Variants in ZNF200 observed in about 807,000 individuals in gnomAD.
ZNF200 encodes zinc finger protein 200.
A neutral mutation model predicts 33.6 loss-of-function variants in ZNF200; 35 were observed. The ratio of observed to expected loss-of-function variants is 1.04; its 90% CI spans 0.80 to 1.38. ZNF200 has a LOEUF of 1.38. Ranked by LOEUF, ZNF200 falls within the 40% of genes most tolerant of loss-of-function variation. The probability of loss-of-function intolerance (pLI) is 0.00; values close to 1 mark genes in which losing one functional copy is unlikely to be tolerated. For synonymous variants in ZNF200, 209 were observed against 167.7 expected, an observed-to-expected ratio of 1.25 and a Z score of -1.90; for missense variants, 592 against 470.6, an observed-to-expected ratio of 1.26 and a Z score of -2.39.
chr16:3,224,333 CCTT>C lies in ZNF200; in HGVS notation c.744_746del (p.Arg250del). The C allele has an allele frequency of 1.9e-6, 3 of 1,614,144 alleles. No homozygotes were observed. The highest frequency in any genetic ancestry group is 2.5e-6 in the Non-Finnish European group (3 of 1,180,016). On this transcript the variant is annotated inframe_deletion, in exon 5 of 5. Coordinates refer to ENST00000414144, the MANE Select transcript of ZNF200 (RefSeq NM_198088.3). The stretch of plus-strand genomic sequence containing the variant: ...CACACAGTGGACAAGTGTACCATCT[CCTT>C]GTCCTCCGATTTCGAGTAAGGGCAA...
intron 4 of ZNF200, among the ~76,000 whole-genome samples, chr16:3,231,421 G>C (rs897934193): frequency 1.3e-5 from 2 of 152,230 alleles, no homozygotes; most frequent in African/African-American, 4.8e-5. Flanking sequence ...TGTCACCCCA[G>C]GCAACTTCTA....
chr16:3,229,587 T>C (rs552121155), intron 4 of ZNF200, among the ~76,000 whole-genome samples: 1 of 152,054 alleles, frequency 6.6e-6, no homozygotes, highest in Non-Finnish European at 1.5e-5. Flanking sequence ...ATAATTCAAA[T>C]GCTAGGAAAA....
chr16:3,226,576 A>C (rs190398255), intron 4 of ZNF200: 10 of 152,338 alleles, frequency 6.6e-5, no homozygotes, highest in African/African-American at 2.4e-4. Context: ...AAAATAATCT[A>C]CTGGGTTAAG....
Position 3,232,403 on chromosome 16 carries a change from A to G in ZNF200, c.466+18T>C. The G allele has an allele frequency of 6.2e-7, 1 of 1,612,060 alleles. No individual in the cohort carries two copies. The highest frequency in any genetic ancestry group is 8.5e-7 in the Non-Finnish European group (1 of 1,178,910). ...CCAAAGCAAACAACCTGAACACACA[A>G]AGGCTGTGATTTCTTACCCAGTAAC... On this transcript the variant is annotated intron_variant, in intron 4 of 4. Coordinates refer to ENST00000414144, the MANE Select transcript of ZNF200 (RefSeq NM_198088.3).
rs756174509 is a variant in ZNF200 at position 3,223,970 on chromosome 16, CCCA to C, written c.1107_1109del (p.Cys369_Gly370delinsTrp). The C allele has an allele frequency of 1.9e-6, 3 of 1,614,156 alleles. No individual in the cohort carries two copies. In the East Asian group the frequency reaches 6.7e-5, roughly 36 times the overall value. Reference sequence around the variant, plus strand: ...AGTTTGACAGCCGACCAAATCTTCTCCCACATTTTTTGCAACCATATGGTCTCT... The same window carrying C: ...AGTTTGACAGCCGACCAAATCTTCTCCATTTTTTGCAACCATATGGTCTCT... On this transcript the variant is annotated inframe_deletion, in exon 5 of 5. Transcript: ENST00000414144.
At chr16:3,229,094 A>G (rs1343305298) in intron 4 of ZNF200, among the ~76,000 whole-genome samples, 1 of 151,300 alleles carries the variant, frequency 6.6e-6, no homozygotes, top group East Asian at 1.9e-4. Context: ...TAGGTATTAT[A>G]ATTGATCTAG....
rs1958679868 is a variant in ZNF200 at position 3,232,920 on chromosome 16, C to T, written c.252G>A (p.Val84=). The change falls in exon 3 of 5, where the codon GTG becomes GTA. Residue 84 remains valine (V), a splice_region_variant and synonymous_variant. Transcript: ENST00000414144. ...KDVSSSLQNR[V]HPRPLVKLLP... Reference sequence around the variant, plus strand: ...GAAGCTTCACCAAGGGACGAGGATGCACTGGGGAAAGAGGAAGGTTTAGTT... The same window carrying T: ...GAAGCTTCACCAAGGGACGAGGATGTACTGGGGAAAGAGGAAGGTTTAGTT... The T allele has an allele frequency of 1.2e-6, 2 of 1,613,544 alleles. No individual in the cohort carries two copies. The highest frequency in any genetic ancestry group is 1.3e-5 in the African/African-American group (1 of 75,030).
rs61337811 is a variant in ZNF200 at position 3,233,184 on chromosome 16, A to G, written c.251-263T>C. Reference sequence around the variant, plus strand: ...ACTAAAGGAGAGCTTAGGGCAACGTAAAGTGTGAAGATGCCCAGAAAAAGC... The same window carrying G: ...ACTAAAGGAGAGCTTAGGGCAACGTGAAGTGTGAAGATGCCCAGAAAAAGC... On this transcript the variant is annotated intron_variant, in intron 2 of 4. Transcript: ENST00000414144. Among the ~76,000 whole-genome samples, 844 of 152,352 alleles carry G rather than the reference A, an allele frequency of 5.5e-3. 8 individuals carry two copies. Among genetic ancestry groups the G allele is most frequent in the African/African-American group, 0.019 (785 of 41,578 alleles).
At chr16:3,233,405 T>C in intron 2 of ZNF200, 101 bp downstream of exon 2, 1 of 1,441,100 alleles carries the variant, frequency 6.9e-7, no homozygotes, top group Non-Finnish European at 9.1e-7. Flanking sequence ...CCTTTTCCAA[T>C]ATACACCATC....
chr16:3,223,754 G>A lies in ZNF200; in HGVS notation c.*138C>T, dbSNP rs1269247191. 4 of 1,311,650 alleles carry A rather than the reference G, an allele frequency of 3.0e-6. No individual in the cohort carries two copies. In the Admixed American group the frequency reaches 7.4e-5, roughly 24 times the overall value. The allele number at this position is 1,311,650 out of a possible 1,614,324, so 81.3% of individuals were successfully genotyped here. A position where few individuals can be genotyped will look rare whatever the true frequency, so the allele number is the denominator to read the frequency against. ...TCTAGCAATTTGAGGTTTTAGCTAA[G>A]ATGGGCATTTATCCAATTTTGGCAA... On this transcript the variant is annotated 3_prime_UTR_variant, in exon 5 of 5. Transcript: ENST00000414144.
rs9302870 is a variant in ZNF200, at chr16:3,232,468, G to A, written c.419C>T (p.Thr140Met). The stretch of plus-strand genomic sequence containing the variant: ...ACTGCTGTCATCTTCCTTCTCTGAC[G>A]TGAGTTGTTGAGTAGGATCCAAGCT... ...CVSLDPTQQL[T>M]SEKEDDSSVG... The change falls in exon 4 of 5, where the codon ACG (threonine) becomes ATG (methionine). Residue 140 changes from threonine to methionine, a missense_variant. By Grantham distance (81) the Thr-to-Met change is moderately conservative. Transcript: ENST00000414144. 16,811 of 1,613,974 alleles carry A rather than the reference G, an allele frequency of 0.01. 1,434 individuals carry two copies. The African/African-American group carries it at 0.19, about 19-fold the overall frequency.
At position 3,223,901 on chromosome 16, in the gene ZNF200, C is replaced by T; in HGVS notation, c.1179G>A (p.Lys393=). 1 of 1,610,228 alleles carries T rather than the reference C, an allele frequency of 6.2e-7. No individual in the cohort carries two copies. The highest frequency in any genetic ancestry group is 8.5e-7 in the Non-Finnish European group (1 of 1,177,922). ...GAAAGGGTTCCCAGTATTACTTCTG[C>T]TTTCGGGTCTTACAGGCTGAGTGGG... is the stretch of plus-strand genomic sequence containing the variant. ...EKTHSACKTR[K]QK Residue 393 remains lysine, a synonymous_variant, in exon 5 of 5, where the codon AAG becomes AAA. Transcript: ENST00000414144.
intron 1 of ZNF200, among the ~76,000 whole-genome samples, chr16:3,234,426 A>G (rs770963365): frequency 6.6e-6 from 1 of 152,202 alleles, no homozygotes; most frequent in African/African-American, 2.4e-5. Context: ...AAGAGAAAGG[A>G]AAGAAGGAGG....
In ZNF200 at chr16:3,222,497, A is replaced by C. The variant is rs553584338; in HGVS notation, c.*1395T>G. ...CAACTATAAAAATATAATGGAAAAA[A>C]CTACAATAACAAAATTGTGTAAAAC... is the stretch of plus-strand genomic sequence containing the variant. On this transcript the variant is annotated 3_prime_UTR_variant, in exon 5 of 5. Transcript: ENST00000414144. 1 of 152,360 alleles carries C rather than the reference A, an allele frequency of 6.6e-6. No individual in the cohort carries two copies. The highest frequency in any genetic ancestry group is 1.9e-4 in the East Asian group (1 of 5,192). The allele number at this position is 152,360 out of a possible 1,614,324, so 9.4% of individuals were successfully genotyped here. A position where few individuals can be genotyped will look rare whatever the true frequency, so the allele number is the denominator to read the frequency against.
intron 4 of ZNF200, 70 bp from the exon 5 acceptor site, chr16:3,224,683 G>A: frequency 6.6e-7 from 1 of 1,505,954 alleles, no homozygotes; most frequent in South Asian, 1.3e-5. Context: ...AACAAGTCAG[G>A]TTTCTTATGC....
rs1196721551 is a variant in ZNF200, at chr16:3,223,690, G to C, written c.*202C>G. 7 of 696,150 alleles carry C rather than the reference G, an allele frequency of 1.0e-5. No individual in the cohort carries two copies. The highest frequency in any genetic ancestry group is 1.6e-5 in the Non-Finnish European group (7 of 450,298). 43.1% of individuals were successfully genotyped at this position (696,150 alleles called of 1,614,324 possible). On this transcript the variant is annotated 3_prime_UTR_variant, in exon 5 of 5. Coordinates refer to ENST00000414144, the MANE Select transcript of ZNF200 (RefSeq NM_198088.3). ...CCTTAGTCCAAAAAGCCTAGATGCT[G>C]AGGTATAGCCCTTGAAATGTTTTCT...
chr16:3,224,653 CACA>C, intron 4 of ZNF200, 40 bp from the exon 5 acceptor site: 1 of 1,536,808 alleles, frequency 6.5e-7, no homozygotes, highest in Non-Finnish European at 8.7e-7. Context: ...TGAGAGATAT[CACA>C]ACACCAGGCA....
In ZNF200 at chr16:3,228,970, T is replaced by C. The variant is rs1212700466; in HGVS notation, c.466+3451A>G. ...ATCTGAGGATTCAACCAACCAAGGA[T>C]TGAAAATATTTGAGAGAAAAAAAAA... is the stretch of plus-strand genomic sequence containing the variant. On this transcript the variant is annotated intron_variant, in intron 4 of 4. Coordinates refer to ENST00000414144, the MANE Select transcript of ZNF200 (RefSeq NM_198088.3). Among the ~76,000 whole-genome samples, 3 of 152,176 alleles carry C rather than the reference T, an allele frequency of 2.0e-5. No homozygotes were observed. In the East Asian group the frequency reaches 5.8e-4, roughly 29 times the overall value.
chr16:3,233,728 G>A lies in ZNF200; in HGVS notation c.28C>T (p.Pro10Ser). The change falls in exon 2 of 5, where the codon CCC becomes TCC. Residue 10 changes from proline (P) to serine (S), a missense_variant. Physicochemically the swap from Pro to Ser is moderately conservative, Grantham distance 74. Coordinates refer to ENST00000414144, the MANE Select transcript of ZNF200 (RefSeq NM_198088.3). ...ATAAAGGACTGCTTTGGCTTTGGGGGCATAGGAACCACTTTTGCAGCCATC... is the reference window on the plus strand; with the variant it reads ...ATAAAGGACTGCTTTGGCTTTGGGGACATAGGAACCACTTTTGCAGCCATC... MMAAKVVPM[P>S]PKPKQSFILR... is the part of the protein sequence containing the mutation. 1 of 1,612,300 alleles carries A rather than the reference G, an allele frequency of 6.2e-7. No individual in the cohort carries two copies. The highest frequency in any genetic ancestry group is 1.3e-5 in the African/African-American group (1 of 74,948).
Sources: allele counts gnomAD v4.1 joint callset (sites outside exome capture counted in the v4.1 genomes callset), GRCh38; gene constraint gnomAD v4.1.1; transcripts MANE v1.5; gene names NCBI Gene and HGNC (gene_info 2026-07-23, HGNC 2026-07-21).